The following ZNF721 variants were observed in gnomAD, a reference collection of about 807,000 sequenced individuals.
ZNF721 encodes zinc finger protein 721.
ZNF721 carries 2 observed loss-of-function variants against 2.4 expected under a neutral mutation model. That is an observed-to-expected ratio of 0.82 (90% CI 0.34 to 2.58). The LOEUF is 2.58. Ranked by LOEUF, ZNF721 falls within the 30% of genes most tolerant of loss-of-function variation. The pLI is 0.11. For synonymous variants in ZNF721, 398 were observed against 381.8 expected (o/e 1.04, Z -0.50); for missense variants, 1,187 against 1,085.5 (o/e 1.09, Z -1.31).
At chr4:486,655 C>T (rs1715906534) in intron 1 of ZNF721, among the ~76,000 whole-genome samples, 1 of 152,156 alleles carries the variant, frequency 6.6e-6, no homozygotes, top group African/African-American at 2.4e-5. Context: ...AGTAATTTGA[C>T]TTTGTCTATA....
chr4:462,020 G>A (rs1553866155), intron 2 of ZNF721, among the ~76,000 whole-genome samples: 2 of 152,176 alleles, frequency 1.3e-5, no homozygotes, highest in Non-Finnish European at 2.9e-5. Context: ...AATCGTCTCA[G>A]CCCAAAATCT....
rs782665208 is a variant in ZNF721 at position 443,446 on chromosome 4, T to C, written c.1021A>G (p.Thr341Ala). Residue 341 changes from threonine (T) to alanine (A), a missense_variant, in exon 3 of 3, where the codon ACC becomes GCC. Thr to Ala is a moderately conservative substitution (Grantham distance 58). Coordinates refer to ENST00000511833, the MANE Select transcript of ZNF721 (RefSeq NM_133474.4). ...KPYTCGECGK[T>A]FRQSANLYVH... The stretch of plus-strand genomic sequence containing the variant: ...TAAAGGTTTGCGGACTGTCTAAAGG[T>C]TTTGCCACATTCTCCACATGTGTAG... 2.4e-5 allele frequency: 39 copies of C among 1,602,928 alleles called. No individual in the cohort carries two copies. Among genetic ancestry groups the C allele is most frequent in the Non-Finnish European group, 2.5e-5 (29 of 1,175,204 alleles).
intron 2 of ZNF721, among the ~76,000 whole-genome samples, chr4:457,948 T>G (rs1011624563): frequency 1.3e-5 from 2 of 152,212 alleles, no homozygotes; most frequent in Non-Finnish European, 2.9e-5. Flanking sequence ...AGAAATGCCA[T>G]GAACCCAAAA....
At chr4:495,651 C>T (rs1473855894) in intron 1 of ZNF721, among the ~76,000 whole-genome samples, 2 of 151,782 alleles carry the variant, frequency 1.3e-5, no homozygotes, top group Non-Finnish European at 2.9e-5. Context: ...ACCAGGCTGG[C>T]GTGCAGTGAC....
intron 2 of ZNF721, among the ~76,000 whole-genome samples, chr4:446,391 T>C (rs1449429280): frequency 2.0e-5 from 3 of 151,258 alleles, no homozygotes; most frequent in African/African-American, 7.3e-5. Flanking sequence ...CTTTTTTTTT[T>C]TTTTTTTGAG....
chr4:474,139 C>G (rs145658186), intron 1 of ZNF721: 2 of 911,930 alleles, frequency 2.2e-6, no homozygotes, highest in Non-Finnish European at 3.1e-6. Context: ...CAGGCTGAAG[C>G]AACAGGCCAA....
intron 2 of ZNF721, among the ~76,000 whole-genome samples, chr4:452,216 T>C (rs375958528): frequency 2.6e-5 from 4 of 152,158 alleles, no homozygotes; most frequent in Non-Finnish European, 5.9e-5. Context: ...ACTGAAGAAC[T>C]AGTCGGCTGG....
chr4:481,358 T>G (rs563950611), intron 1 of ZNF721, among the ~76,000 whole-genome samples: 1 of 152,248 alleles, frequency 6.6e-6, no homozygotes, highest in East Asian at 1.9e-4. Context: ...TTGTGTTGAA[T>G]AGTGGCCATC....
intron 1 of ZNF721, among the ~76,000 whole-genome samples, chr4:474,374 G>A (rs1715569936): frequency 6.6e-6 from 1 of 152,164 alleles, no homozygotes; most frequent in Non-Finnish European, 1.5e-5. Flanking sequence ...GCTTGGCTCT[G>A]CACAGGGTTC....
At chr4:485,916 A>C (rs1553870248) in intron 1 of ZNF721, among the ~76,000 whole-genome samples, 9 of 152,154 alleles carry the variant, frequency 5.9e-5, no homozygotes, top group Non-Finnish European at 5.9e-5. Context: ...TAGAGGTTGC[A>C]GTGAGCTGAG....
intron 2 of ZNF721, among the ~76,000 whole-genome samples, chr4:454,932 C>A (rs1395035554): frequency 1.3e-5 from 2 of 152,194 alleles, no homozygotes; most frequent in Non-Finnish European, 2.9e-5. Flanking sequence ...CCCCTCGTGA[C>A]TGGGCCTCAT....
chr4:492,464 T>C (rs1001437458), intron 1 of ZNF721, among the ~76,000 whole-genome samples: 3 of 152,160 alleles, frequency 2.0e-5, no homozygotes, highest in Admixed American at 1.3e-4. Context: ...TCTCTTATGA[T>C]TTATCAAGAG....
rs192089284 is a variant in ZNF721, at chr4:487,927, T to C, written c.-94+11129A>G. 1.2e-4 allele frequency among the ~76,000 whole-genome samples: 18 copies of C among 152,262 alleles called. No individual in the cohort carries two copies. The East Asian group carries it at 3.5e-3, about 29-fold the overall frequency. On this transcript the variant is annotated intron_variant, in intron 1 of 2. Coordinates refer to ENST00000511833, the MANE Select transcript of ZNF721 (RefSeq NM_133474.4). ...ACTACAACCCTCCCCCTTGTACCAG[T>C]TCTCTGATAGAAAAGGACAGTGCCT... is the stretch of plus-strand genomic sequence containing the variant.
intron 1 of ZNF721, among the ~76,000 whole-genome samples, chr4:496,151 T>TG (rs1179639227): frequency 1.5e-5 from 2 of 130,364 alleles, no homozygotes; most frequent in African/African-American, 6.1e-5. Flanking sequence ...CTTTTTTGTG[T>TG]GTGGGGGGTA....
intron 2 of ZNF721, among the ~76,000 whole-genome samples, chr4:468,006 G>A (rs12498804): frequency 6.6e-6 from 1 of 151,872 alleles, no homozygotes; most frequent in Non-Finnish European, 1.5e-5. Context: ...CGTGCCGGGT[G>A]CGGTGGCTCA....
intron 1 of ZNF721, among the ~76,000 whole-genome samples, chr4:490,862 G>T (rs1716003029): frequency 6.6e-6 from 1 of 151,940 alleles, no homozygotes; most frequent in Non-Finnish European, 1.5e-5. Flanking sequence ...GCTGAGGCAG[G>T]AGAATCTCTT....
intron 2 of ZNF721, among the ~76,000 whole-genome samples, chr4:466,657 G>T (rs1351963376): frequency 1.8e-4 from 28 of 152,100 alleles, no homozygotes; most frequent in African/African-American, 6.5e-4. Flanking sequence ...AACTGCGATG[G>T]ATGAGATATC....
Position 444,776 on chromosome 4 carries a change from G to A in ZNF721, c.35-344C>T, listed in dbSNP as rs1220271545. On this transcript the variant is annotated intron_variant, in intron 2 of 2. Transcript: ENST00000511833. ...TCTCAACTCCTTTTTCCTTAAAAGA[G>A]AAGAAAAATACTGACACACATATCC... Among the ~76,000 whole-genome samples the A allele has an allele frequency of 3.3e-5, 5 of 152,128 alleles. No individual in the cohort carries two copies. In the South Asian group the frequency reaches 1.0e-3, roughly 31 times the overall value.
chr4:456,028 C>G (rs1420747142), intron 2 of ZNF721, among the ~76,000 whole-genome samples: 2 of 151,152 alleles, frequency 1.3e-5, no homozygotes, highest in African/African-American at 4.9e-5. Flanking sequence ...CAAAAGAAAA[C>G]AGTCATGATC....
Sources: allele counts gnomAD v4.1 joint callset (sites outside exome capture counted in the v4.1 genomes callset), GRCh38; gene constraint gnomAD v4.1.1; transcripts MANE v1.5; gene names NCBI Gene and HGNC (gene_info 2026-07-23, HGNC 2026-07-21).